The following CCDC85A variants were observed in gnomAD, a reference collection of about 807,000 sequenced individuals.
CCDC85A encodes coiled-coil domain-containing protein 85A.
In CCDC85A, 38 loss-of-function variants were observed where a neutral mutation model predicts 50.2. The observed-to-expected ratio is 0.76, with a 90% CI of 0.58 to 0.99. The LOEUF (loss-of-function observed/expected upper bound fraction) is 0.99. Ranked by LOEUF, CCDC85A falls within the 50% of genes least tolerant of loss-of-function variation. The pLI is 0.00. For synonymous variants in CCDC85A, 366 were observed against 301.4 expected (o/e 1.21, Z -2.22); for missense variants, 820 against 742.0 (o/e 1.11, Z -1.22).
At chr2:56,308,032 A>G (rs1434915111) in intron 2 of CCDC85A, among the ~76,000 whole-genome samples, 2 of 152,154 alleles carry the variant, frequency 1.3e-5, no homozygotes, top group Non-Finnish European at 2.9e-5. Flanking sequence ...GTTTACCCCA[A>G]TAGCTTCCTA....
intron 5 of CCDC85A, chr2:56,383,571 G>A: frequency 1.0e-6 from 1 of 984,734 alleles, no homozygotes; most frequent in South Asian, 4.7e-5. Flanking sequence ...AGTGATTCTT[G>A]AATTTATTCT....
intron 3 of CCDC85A, among the ~76,000 whole-genome samples, chr2:56,367,104 G>C (rs1005158969): frequency 6.6e-6 from 1 of 152,118 alleles, no homozygotes; most frequent in African/African-American, 2.4e-5. Context: ...TTTCCACAGA[G>C]CCCCTTCTGC....
At chr2:56,250,861 G>A (rs1669721970) in intron 2 of CCDC85A, among the ~76,000 whole-genome samples, 1 of 152,146 alleles carries the variant, frequency 6.6e-6, no homozygotes, top group Non-Finnish European at 1.5e-5. Context: ...GGATACAGTT[G>A]TCTCTTACTG....
Position 56,206,746 on chromosome 2 carries a change from C to G in CCDC85A, c.1240+13306C>G, listed in dbSNP as rs895266250. Among the ~76,000 whole-genome samples the G allele has an allele frequency of 8.5e-5, 13 of 152,282 alleles. No homozygotes were observed. In the Middle Eastern group the frequency reaches 0.01, roughly 120 times the overall value. Reference sequence around the variant, plus strand: ...AACTTTGGGGAACACATTCAAACCACAGCATTAAGGGTTCCTGAACAAAGA... The same window carrying G: ...AACTTTGGGGAACACATTCAAACCAGAGCATTAAGGGTTCCTGAACAAAGA... On this transcript the variant is annotated intron_variant, in intron 2 of 5. Coordinates refer to ENST00000407595, the MANE Select transcript of CCDC85A (RefSeq NM_001080433.2).
intron 2 of CCDC85A, among the ~76,000 whole-genome samples, chr2:56,342,668 T>C (rs1674431611): frequency 6.6e-6 from 1 of 152,240 alleles, no homozygotes; most frequent in South Asian, 2.1e-4. Flanking sequence ...GTGTCTTATC[T>C]AATATTTCTT....
intron 2 of CCDC85A, among the ~76,000 whole-genome samples, chr2:56,234,872 A>T (rs924804595): frequency 1.3e-5 from 2 of 152,208 alleles, no homozygotes; most frequent in African/African-American, 4.8e-5. Flanking sequence ...TTACCACATT[A>T]TGAAAGGTTG....
intron 2 of CCDC85A, among the ~76,000 whole-genome samples, chr2:56,306,652 G>A (rs1467772118): frequency 2.0e-5 from 3 of 152,108 alleles, no homozygotes; most frequent in Non-Finnish European, 4.4e-5. Context: ...GTAGCCTCAT[G>A]CAATTAACGA....
intron 2 of CCDC85A, among the ~76,000 whole-genome samples, chr2:56,318,612 T>C (rs1013044667): frequency 3.9e-5 from 6 of 152,130 alleles, no homozygotes; most frequent in African/African-American, 1.4e-4. Flanking sequence ...ATACTGTTTA[T>C]TGATGAAATT....
intron 2 of CCDC85A, among the ~76,000 whole-genome samples, chr2:56,236,886 T>G (rs1340600077): frequency 6.6e-6 from 1 of 152,092 alleles, no homozygotes; most frequent in Non-Finnish European, 1.5e-5. Flanking sequence ...ACCAAAAAGG[T>G]ATTAGATTGT....
intron 3 of CCDC85A, among the ~76,000 whole-genome samples, chr2:56,352,633 A>G (rs1318386972): frequency 6.6e-6 from 1 of 152,250 alleles, no homozygotes; most frequent in Non-Finnish European, 1.5e-5. Flanking sequence ...GGTGTGAGCC[A>G]CTGCCCCTGG....
intron 2 of CCDC85A, among the ~76,000 whole-genome samples, chr2:56,238,171 T>G (rs1408168023): frequency 6.6e-6 from 1 of 152,118 alleles, no homozygotes; most frequent in Non-Finnish European, 1.5e-5. Context: ...ATCCCAGCAC[T>G]TTGGGAGGCC....
At chr2:56,202,446 G>A (rs1029696001) in intron 2 of CCDC85A, among the ~76,000 whole-genome samples, 4 of 152,174 alleles carry the variant, frequency 2.6e-5, no homozygotes, top group African/African-American at 4.8e-5. Context: ...TGAGAAGATG[G>A]TCTGACCTTA....
intron 1 of CCDC85A, among the ~76,000 whole-genome samples, chr2:56,188,218 A>G (rs1257900346): frequency 6.6e-6 from 1 of 152,246 alleles, no homozygotes; most frequent in Non-Finnish European, 1.5e-5. Flanking sequence ...AAGAAGCTGG[A>G]TCACAAGGTT....
At chr2:56,197,510 A>C (rs1676575192) in intron 2 of CCDC85A, among the ~76,000 whole-genome samples, 1 of 152,202 alleles carries the variant, frequency 6.6e-6, no homozygotes. Context: ...CTGCACTCTG[A>C]GATGCAAATT....
At chr2:56,382,470 A>G (rs1214205010) in intron 5 of CCDC85A, among the ~76,000 whole-genome samples, 3 of 151,994 alleles carry the variant, frequency 2.0e-5, no homozygotes, top group East Asian at 1.9e-4. Flanking sequence ...AAACAGTGCT[A>G]CAGAAATAAA....
intron 2 of CCDC85A, among the ~76,000 whole-genome samples, chr2:56,295,132 A>ATT (rs59146405): frequency 5.3e-5 from 8 of 151,440 alleles, no homozygotes; most frequent in South Asian, 2.1e-4. Context: ...GTTGTTTTGG[A>ATT]TTTTTTTTTA....
Position 56,369,251 on chromosome 2 carries a change from C to T in CCDC85A, c.1318-3093C>T, listed in dbSNP as rs77124834. On this transcript the variant is annotated intron_variant, in intron 3 of 5. Transcript: ENST00000407595. The stretch of plus-strand genomic sequence containing the variant: ...ATTCCCTTCATTTACATATATAGCT[C>T]ATTGTGAGCAATAAGGGAAAGATAA... 4.9e-3 allele frequency among the ~76,000 whole-genome samples: 742 copies of T among 152,104 alleles called. 4 individuals carry two copies. The highest frequency in any genetic ancestry group is 0.017 in the African/African-American group (692 of 41,496).
chr2:56,199,576 T>C (rs1453825332), intron 2 of CCDC85A, among the ~76,000 whole-genome samples: 3 of 152,154 alleles, frequency 2.0e-5, no homozygotes, highest in Non-Finnish European at 2.9e-5. Context: ...ATTCTTTTTT[T>C]TTTAATCTCC....
At chr2:56,345,039 C>A (rs896647007) in intron 3 of CCDC85A, among the ~76,000 whole-genome samples, 1 of 152,052 alleles carries the variant, frequency 6.6e-6, no homozygotes, top group Non-Finnish European at 1.5e-5. Flanking sequence ...GAGTCCTTAA[C>A]TATACTTGAT....
Sources: allele counts gnomAD v4.1 joint callset (sites outside exome capture counted in the v4.1 genomes callset), GRCh38; gene constraint gnomAD v4.1.1; transcripts MANE v1.5; gene names NCBI Gene and HGNC (gene_info 2026-07-23, HGNC 2026-07-21).